ADGRL2: variants seen among roughly 807,000 people sequenced by gnomAD.
ADGRL2 encodes the protein calcium-independent alpha-latrotoxin receptor 2.
ADGRL2 carries 44 observed loss-of-function variants against 157.4 expected under a neutral mutation model. The observed-to-expected ratio is 0.28, with a 90% confidence interval of 0.22 to 0.36. The LOEUF (loss-of-function observed/expected upper bound fraction) is 0.36. Ranked by LOEUF, ADGRL2 falls within the 10% of genes least tolerant of loss-of-function variation. ADGRL2 has a pLI of 1.00. For missense variants in ADGRL2, 1,510 were observed against 1,768.9 expected, an observed-to-expected ratio of 0.85 and a Z score of 2.63; for synonymous variants, 585 against 624.7, an observed-to-expected ratio of 0.94 and a Z score of 0.95.
In ADGRL2 at chr1:81,816,963, C is replaced by CT. The variant is rs68090624; in HGVS notation, c.-101+15906dup. Reference sequence around the variant, plus strand: ...ATGTTGAATTCTTAGTTTTTTGGGGCTTTTTTTTTTTCAAGTATATTTAGG... The same window carrying CT: ...ATGTTGAATTCTTAGTTTTTTGGGGCTTTTTTTTTTTTCAAGTATATTTAGG... On this transcript the variant is annotated intron_variant, in intron 1 of 23. Transcript: ENST00000686636. 8.4e-4 allele frequency among the ~76,000 whole-genome samples: 114 copies of CT among 135,060 alleles called. 2 individuals carry two copies. The highest frequency in any genetic ancestry group is 2.4e-3 in the African/African-American group (90 of 36,960). The allele number at this position is 135,060 out of a possible 152,430, so 88.6% of individuals were successfully genotyped here. A position where few individuals can be genotyped will look rare whatever the true frequency, so the allele number is the denominator to read the frequency against.
chr1:81,681,443 G>A (rs1161546569), intron 3 of ADGRL2, among the ~76,000 whole-genome samples: 2 of 152,204 alleles, frequency 1.3e-5, no homozygotes, highest in African/African-American at 4.8e-5. Flanking sequence ...GTTAAACTCA[G>A]CAATATGTGT....
At chr1:81,540,853 C>A (rs1426183650) in intron 2 of ADGRL2, among the ~76,000 whole-genome samples, 1 of 151,600 alleles carries the variant, frequency 6.6e-6, no homozygotes, top group Admixed American at 6.6e-5. Flanking sequence ...AAAGAGAAAG[C>A]AGAGAGACCA....
chr1:81,836,999 T>C lies in ADGRL2; in HGVS notation c.15T>C (p.Gly5=), dbSNP rs1241841078. 1 of 1,592,404 alleles carries C rather than the reference T, an allele frequency of 6.3e-7. No homozygotes were observed. Residue 5 remains glycine, a synonymous_variant, in exon 2 of 24, where the codon GGT becomes GGC. Coordinates refer to ENST00000686636, the MANE Select transcript of ADGRL2 (RefSeq NM_001366006.2). MVSS[G]CRMRSLWFII... ...AGGGATCAATAATGGTGTCTTCTGG[T>C]TGCAGAATGCGAAGTCTGTGGTTTA... is the stretch of plus-strand genomic sequence containing the variant.
chr1:81,510,805 T>C (rs1386016078), intron 2 of ADGRL2, among the ~76,000 whole-genome samples: 1 of 152,220 alleles, frequency 6.6e-6, no homozygotes, highest in Non-Finnish European at 1.5e-5. Context: ...ATTATTGGGC[T>C]GTCTTTTTTC....
intron 3 of ADGRL2, among the ~76,000 whole-genome samples, chr1:81,684,944 G>GTT (rs2083198444): frequency 6.6e-6 from 1 of 152,168 alleles, no homozygotes; most frequent in Non-Finnish European, 1.5e-5. Context: ...TCAGTTGGCT[G>GTT]TAAGTATTTG....
chr1:81,864,256 G>T (rs957299669), intron 2 of ADGRL2, among the ~76,000 whole-genome samples: 1 of 152,096 alleles, frequency 6.6e-6, no homozygotes, highest in East Asian at 1.9e-4. Context: ...TGTCAAGCAA[G>T]AAGTTTTTTT....
chr1:81,394,434 C>G (rs568978015), intron 1 of ADGRL2, among the ~76,000 whole-genome samples: 147 of 152,220 alleles, frequency 9.7e-4, no homozygotes, highest in Middle Eastern at 3.4e-3. Flanking sequence ...ACTCTTTTGG[C>G]TTCTTCATCT....
chr1:81,909,184 C>T (rs2094653155), intron 3 of ADGRL2, among the ~76,000 whole-genome samples: 1 of 151,686 alleles, frequency 6.6e-6, no homozygotes, highest in South Asian at 2.1e-4. Flanking sequence ...CCTTGTATAT[C>T]TTTTTTGTAT....
chr1:81,949,350 G>A (rs1650991741), intron 6 of ADGRL2, among the ~76,000 whole-genome samples: 1 of 152,200 alleles, frequency 6.6e-6, no homozygotes, highest in African/African-American at 2.4e-5. Flanking sequence ...GGATTTAACA[G>A]TTTAGTAACA....
intron 1 of ADGRL2, among the ~76,000 whole-genome samples, chr1:81,397,540 C>T (rs971056721): frequency 2.0e-5 from 3 of 151,850 alleles, no homozygotes; most frequent in African/African-American, 4.8e-5. Context: ...AGGATGGTCT[C>T]GATCTCCTGA....
chr1:81,731,280 A>G (rs1423069257), intron 1 of ADGRL2, among the ~76,000 whole-genome samples: 1 of 152,024 alleles, frequency 6.6e-6, no homozygotes, highest in East Asian at 1.9e-4. Context: ...GTTCATTAAA[A>G]TTTTTTTCCC....
intron 2 of ADGRL2, among the ~76,000 whole-genome samples, chr1:81,568,747 G>A (rs139333933): frequency 2.0e-4 from 31 of 152,236 alleles, no homozygotes; most frequent in Non-Finnish European, 3.7e-4. Flanking sequence ...CCAAAAAAAT[G>A]ATAAGTATGG....
intron 3 of ADGRL2, among the ~76,000 whole-genome samples, chr1:81,604,652 G>T (rs1379915546): frequency 6.6e-6 from 1 of 152,140 alleles, no homozygotes; most frequent in Non-Finnish European, 1.5e-5. Context: ...CAAATCAAGA[G>T]AGCTGGCCAC....
intron 3 of ADGRL2, among the ~76,000 whole-genome samples, chr1:81,681,827 A>G (rs2148956480): frequency 6.6e-6 from 1 of 152,286 alleles, no homozygotes; most frequent in Non-Finnish European, 1.5e-5. Flanking sequence ...ATCGTTAATC[A>G]TGCAGTTTCT....
At chr1:81,951,851 T>A (rs1191303920) in intron 8 of ADGRL2, 106 bp from the exon 9 acceptor site, 3 of 803,904 alleles carry the variant, frequency 3.7e-6, no homozygotes, top group Non-Finnish European at 5.6e-6. Flanking sequence ...GTTGGAGAAT[T>A]TAACATTCGC....
intron 1 of ADGRL2, among the ~76,000 whole-genome samples, chr1:81,428,948 C>A (rs2077269920): frequency 6.6e-6 from 1 of 152,068 alleles, no homozygotes; most frequent in Non-Finnish European, 1.5e-5. Context: ...TATCAAAATA[C>A]CATATTTTAA....
chr1:81,437,325 G>A (rs2077427319), intron 1 of ADGRL2, among the ~76,000 whole-genome samples: 1 of 152,082 alleles, frequency 6.6e-6, no homozygotes, highest in African/African-American at 2.4e-5. Flanking sequence ...TAGGCAAACA[G>A]CAACTGGTTT....
intron 2 of ADGRL2, among the ~76,000 whole-genome samples, chr1:81,479,596 A>G (rs2078343736): frequency 6.6e-6 from 1 of 152,182 alleles, no homozygotes; most frequent in Non-Finnish European, 1.5e-5. Flanking sequence ...CTTCCTTTTT[A>G]TATAGTATTC....
chr1:81,722,548 T>C lies in ADGRL2; in HGVS notation c.-143+22740T>C, dbSNP rs2084367874. 5.2e-6 allele frequency: 8 copies of C among 1,530,604 alleles called. No homozygotes were observed. The Admixed American group carries it at 1.3e-4, about 26-fold the overall frequency. The allele number at this position is 1,530,604 out of a possible 1,614,324, so 94.8% of individuals were successfully genotyped here. On this transcript the variant is annotated intron_variant, in intron 1 of 20. Coordinates refer to the ADGRL2 transcript ENST00000359929. ...AATAAATCCTGATTCAGCTCAGCCT[T>C]ACAAATGGCGAGGGAAAGCACACAG... is the stretch of plus-strand genomic sequence containing the variant.
Sources: gnomAD v4.1 joint callset for allele counts (sites outside exome capture counted in the v4.1 genomes callset) on GRCh38, gnomAD v4.1.1 for gene constraint, MANE v1.5 for transcripts, NCBI Gene and HGNC (gene_info 2026-07-23, HGNC 2026-07-21) for gene names.